The following MCC variants were observed in gnomAD, a reference collection of about 807,000 sequenced individuals.
MCC encodes colorectal mutant cancer protein.
Under a neutral mutation model 116.2 loss-of-function variants are expected in MCC, and 90 were observed. The observed-to-expected ratio is 0.77, with a 90% CI of 0.65 to 0.92. The LOEUF (loss-of-function observed/expected upper bound fraction) is 0.92, where lower values mean the gene tolerates loss of function less well. MCC is among the 40% of genes least tolerant of loss of function. The pLI is 0.00. For missense variants in MCC, 1,516 were observed against 1,312.2 expected, an observed-to-expected ratio of 1.16 and a Z score of -2.40; for synonymous variants, 578 against 510.5, an observed-to-expected ratio of 1.13 and a Z score of -1.78.
chr5:113,069,558 T>C (rs1036863137), intron 12 of MCC, among the ~76,000 whole-genome samples: 1 of 152,260 alleles, frequency 6.6e-6, no homozygotes, highest in Admixed American at 6.5e-5. Flanking sequence ...ACAGACAATT[T>C]CCTTTGATTG....
chr5:113,453,362 T>C (rs1470885842), intron 1 of MCC, among the ~76,000 whole-genome samples: 2 of 152,156 alleles, frequency 1.3e-5, no homozygotes, highest in Non-Finnish European at 2.9e-5. Context: ...AACAGCTTTT[T>C]TAAACAAGTG....
intron 3 of MCC, among the ~76,000 whole-genome samples, chr5:113,332,249 G>A (rs1224571257): frequency 6.6e-6 from 1 of 151,344 alleles, no homozygotes; most frequent in Non-Finnish European, 1.5e-5. Flanking sequence ...CATGATCATA[G>A]CGCACTGCAG....
intron 14 of MCC, among the ~76,000 whole-genome samples, chr5:113,055,390 C>T (rs1752767647): frequency 1.3e-5 from 2 of 152,186 alleles, no homozygotes; most frequent in Admixed American, 1.3e-4. Flanking sequence ...ACAGCCTAGA[C>T]ATGAGTGAGG....
intron 3 of MCC, among the ~76,000 whole-genome samples, chr5:113,171,713 T>C (rs555759455): frequency 2.1e-4 from 32 of 152,204 alleles, no homozygotes; most frequent in South Asian, 4.2e-4. Flanking sequence ...GTGGCCTGTA[T>C]CATTTCACAG....
At chr5:113,459,487 G>A (rs1429994131) in intron 1 of MCC, among the ~76,000 whole-genome samples, 2 of 151,206 alleles carry the variant, frequency 1.3e-5, no homozygotes, top group Non-Finnish European at 2.9e-5. Flanking sequence ...GCAGTGAGCC[G>A]AGATCCCACC....
chr5:113,060,833 C>T (rs574986760), intron 14 of MCC, among the ~76,000 whole-genome samples: 16 of 152,114 alleles, frequency 1.1e-4, no homozygotes, highest in Admixed American at 8.5e-4. Context: ...CACCAGTAAG[C>T]GTTTGTCTCA....
At chr5:113,328,165 G>A (rs758091412) in intron 3 of MCC, among the ~76,000 whole-genome samples, 1 of 152,156 alleles carries the variant, frequency 6.6e-6, no homozygotes, top group Non-Finnish European at 1.5e-5. Flanking sequence ...AGATTAGAAA[G>A]GAAGAGGTGG....
intron 12 of MCC, 119 bp downstream of exon 12, chr5:113,070,975 G>GCCTT (rs1214508556): frequency 9.0e-7 from 1 of 1,110,546 alleles, no homozygotes; most frequent in African/African-American, 1.6e-5. Flanking sequence ...CGCCAGATAT[G>GCCTT]CCTTGGTCCA....
intron 3 of MCC, among the ~76,000 whole-genome samples, chr5:113,315,560 G>T (rs918142444): frequency 6.6e-6 from 1 of 151,952 alleles, no homozygotes; most frequent in African/African-American, 2.4e-5. Context: ...CCCTTCATGT[G>T]CTCCTTTTTA....
In MCC at chr5:113,474,722, G is replaced by A. The variant is rs577938131; in HGVS notation, c.170+13523C>T. Among the ~76,000 whole-genome samples, 8 of 152,150 alleles carry A rather than the reference G, an allele frequency of 5.3e-5. No individual in the cohort carries two copies. The South Asian group carries it at 8.3e-4, about 16-fold the overall frequency. On this transcript the variant is annotated intron_variant, in intron 1 of 18. Coordinates refer to ENST00000408903, the MANE Select transcript of MCC (RefSeq NM_001085377.2). ...CCTGGTTAGAGATGAAGTAGCTTAG[G>A]AAACCAAAAAGGGAGAGAGGGATAA...
chr5:113,142,097 A>C (rs2044237), intron 5 of MCC, among the ~76,000 whole-genome samples: 127,724 of 152,132 alleles, frequency 0.84, 54,953 homozygotes, highest in Non-Finnish European at 0.93. Context: ...GCTCAGTGCA[A>C]ACTTTTCCAC....
chr5:113,452,238 T>C (rs557513241), intron 1 of MCC, among the ~76,000 whole-genome samples: 3 of 152,234 alleles, frequency 2.0e-5, no homozygotes, highest in South Asian at 2.1e-4. Context: ...GGGGAGGAAA[T>C]AGATCTACTT....
chr5:113,461,894 C>G (rs563650358), intron 1 of MCC, among the ~76,000 whole-genome samples: 6 of 151,996 alleles, frequency 3.9e-5, no homozygotes, highest in Non-Finnish European at 7.4e-5. Context: ...CCCATGCCAT[C>G]GAGCACCCAG....
At chr5:113,131,825 C>G (rs1040111978) in intron 5 of MCC, among the ~76,000 whole-genome samples, 1 of 152,152 alleles carries the variant, frequency 6.6e-6, no homozygotes, top group Non-Finnish European at 1.5e-5. Context: ...AGAGGTAGTT[C>G]CCAGGCCCTC....
intron 10 of MCC, among the ~76,000 whole-genome samples, chr5:113,083,897 T>TA (rs1755028202): frequency 6.6e-6 from 1 of 152,208 alleles, no homozygotes; most frequent in Non-Finnish European, 1.5e-5. Context: ...AAATCTCCCT[T>TA]AAAGCTGAAG....
At chr5:113,399,157 G>A (rs938394812) in intron 1 of MCC, among the ~76,000 whole-genome samples, 1 of 152,112 alleles carries the variant, frequency 6.6e-6, no homozygotes, top group Non-Finnish European at 1.5e-5. Flanking sequence ...ATAGCTTCAG[G>A]CAATAGTATC....
At chr5:113,295,469 G>T (rs1328110143) in intron 3 of MCC, among the ~76,000 whole-genome samples, 2 of 152,020 alleles carry the variant, frequency 1.3e-5, no homozygotes, top group Non-Finnish European at 2.9e-5. Flanking sequence ...ATGTCGATAG[G>T]CTCCCCAACC....
In MCC at chr5:113,266,571, T is replaced by C. The variant is rs146317217; in HGVS notation, c.627+73948A>G. Among the ~76,000 whole-genome samples, 191 of 152,326 alleles carry C rather than the reference T, an allele frequency of 1.3e-3. 5 individuals are homozygous for C. The East Asian group carries it at 0.02, about 16-fold the overall frequency. ...TTTCTTTTGAGATGAGGTGTCGCTC[T>C]GTCACCCAGTCTAGAATGCAGTGAT... On this transcript the variant is annotated intron_variant, in intron 3 of 18. Coordinates refer to ENST00000408903, the MANE Select transcript of MCC (RefSeq NM_001085377.2).
chr5:113,080,353 T>C (rs1262261577), intron 11 of MCC, among the ~76,000 whole-genome samples: 1 of 152,208 alleles, frequency 6.6e-6, no homozygotes, highest in East Asian at 1.9e-4. Flanking sequence ...CACATGCACA[T>C]GTATGTTTAT....
Sources: allele counts gnomAD v4.1 joint callset (sites outside exome capture counted in the v4.1 genomes callset), GRCh38; gene constraint gnomAD v4.1.1; transcripts MANE v1.5; gene names NCBI Gene and HGNC (gene_info 2026-07-23, HGNC 2026-07-21).